ZNF334: variants seen among roughly 807,000 people sequenced by gnomAD.
The protein encoded by ZNF334 is zinc finger protein 334.
ZNF334 carries 14 observed loss-of-function variants against 12.4 expected under a neutral mutation model. The observed-to-expected ratio is 1.13, with a 90% CI of 0.74 to 1.76. The LOEUF (loss-of-function observed/expected upper bound fraction) is 1.76. ZNF334 is among the 40% of genes most tolerant of loss of function. The pLI, the probability that ZNF334 is intolerant of heterozygous loss-of-function variation, is 0.00. For missense variants in ZNF334, 797 were observed against 804.5 expected, an observed-to-expected ratio of 0.99 and a Z score of 0.11; for synonymous variants, 273 against 269.6, an observed-to-expected ratio of 1.01 and a Z score of -0.12.
chr20:46,473,448 T>C, the ZNF334 span, among the ~76,000 whole-genome samples: 1 of 152,238 alleles, frequency 6.6e-6, no homozygotes, highest in Non-Finnish European at 1.5e-5. Flanking sequence ...TGTATTCTTT[T>C]CAGTTGTATG....
At chr20:46,492,928 A>G in the ZNF334 span, 1 of 133,378 alleles carries the variant, frequency 7.5e-6, no homozygotes, top group Admixed American at 7.4e-5. Flanking sequence ...CTAAACATAG[A>G]AAAAAAAAAA....
intron 2 of ZNF334, among the ~76,000 whole-genome samples, chr20:46,508,559 G>C (rs1357066588): frequency 6.6e-6 from 1 of 152,220 alleles, no homozygotes. Flanking sequence ...GGCATGTTCA[G>C]GAGACTAAAT....
At chr20:46,507,367 T>G (rs1169874929) in intron 2 of ZNF334, among the ~76,000 whole-genome samples, 1 of 152,110 alleles carries the variant, frequency 6.6e-6, no homozygotes, top group Non-Finnish European at 1.5e-5. Flanking sequence ...TGCAAGAGGC[T>G]AAGGAGACAG....
At chr20:46,465,796 A>G in the ZNF334 span, among the ~76,000 whole-genome samples, 1 of 152,046 alleles carries the variant, frequency 6.6e-6, no homozygotes, top group East Asian at 1.9e-4. Flanking sequence ...CCACTAAAAT[A>G]CAAAAGAAAT....
the ZNF334 span, among the ~76,000 whole-genome samples, chr20:46,463,370 GCAA>G: frequency 3.3e-5 from 5 of 152,218 alleles, no homozygotes; most frequent in Non-Finnish European, 5.9e-5. Flanking sequence ...AAACCACAGA[GCAA>G]GTTGGACAGG....
chr20:46,464,901 A>G, the ZNF334 span: 31 of 522,626 alleles, frequency 5.9e-5, no homozygotes, highest in Non-Finnish European at 9.0e-5. Flanking sequence ...GAGAGACTTA[A>G]GGAAGCAGCA....
At chr20:46,507,272 A>C (rs1282908477) in intron 2 of ZNF334, among the ~76,000 whole-genome samples, 1 of 152,046 alleles carries the variant, frequency 6.6e-6, no homozygotes, top group Non-Finnish European at 1.5e-5. Context: ...GAAAGGAAAT[A>C]AAGAAAAGGC....
At chr20:46,475,352 T>A in the ZNF334 span, among the ~76,000 whole-genome samples, 2 of 151,996 alleles carry the variant, frequency 1.3e-5, no homozygotes, top group Admixed American at 6.6e-5. Context: ...ACTATAAAAC[T>A]TTTAGGAAAA....
the ZNF334 span, chr20:46,477,089 T>G: frequency 1.3e-5 from 2 of 152,220 alleles, no homozygotes; most frequent in Admixed American, 1.3e-4. Flanking sequence ...TGCTGGACAC[T>G]AGAGCTAAAG....
At chr20:46,481,962 G>T in the ZNF334 span, among the ~76,000 whole-genome samples, 1 of 152,058 alleles carries the variant, frequency 6.6e-6, no homozygotes, top group East Asian at 1.9e-4. Flanking sequence ...TCAGATGGGG[G>T]GTTTCTCCTG....
the ZNF334 span, among the ~76,000 whole-genome samples, chr20:46,488,419 T>TTTTATATATA: frequency 7.8e-5 from 8 of 102,242 alleles, no homozygotes; most frequent in African/African-American, 2.6e-4. Flanking sequence ...AGCTCTTATT[T>TTTTATATATA]TATATATATA....
the ZNF334 span, among the ~76,000 whole-genome samples, chr20:46,469,350 C>G: frequency 6.6e-6 from 1 of 151,430 alleles, no homozygotes; most frequent in Non-Finnish European, 1.5e-5. Context: ...AGATCCACCC[C>G]GCCTCCCAGC....
At chr20:46,486,680 T>C in the ZNF334 span, among the ~76,000 whole-genome samples, 10 of 152,178 alleles carry the variant, frequency 6.6e-5, no homozygotes, top group Admixed American at 3.9e-4. Context: ...CCCTTTAGAA[T>C]GTATAACAAT....
downstream of ZNF334, among the ~76,000 whole-genome samples, chr20:46,496,084 T>C (rs565254691): frequency 6.0e-4 from 91 of 152,330 alleles, no homozygotes; most frequent in Non-Finnish European, 1.0e-3. Context: ...AGTAAGGTGC[T>C]ATGAATTCCC....
At chr20:46,509,003 G>C (rs2061542685) in intron 2 of ZNF334, among the ~76,000 whole-genome samples, 1 of 152,120 alleles carries the variant, frequency 6.6e-6, no homozygotes, top group Non-Finnish European at 1.5e-5. Context: ...AAATGGCAAT[G>C]CTATGTACAG....
chr20:46,472,748 G>A, the ZNF334 span, among the ~76,000 whole-genome samples: 1 of 152,218 alleles, frequency 6.6e-6, no homozygotes, highest in African/African-American at 2.4e-5. Context: ...GGGGCCACCA[G>A]AATACTTGAG....
chr20:46,481,996 G>T, the ZNF334 span, among the ~76,000 whole-genome samples: 1 of 152,118 alleles, frequency 6.6e-6, no homozygotes, highest in African/African-American at 2.4e-5. Context: ...GGCCTGAAAT[G>T]TAATCACTGG....
the ZNF334 span, among the ~76,000 whole-genome samples, chr20:46,479,877 T>G: frequency 6.6e-6 from 1 of 152,322 alleles, no homozygotes. Context: ...ACCAAAGCAT[T>G]TCTTTCTACT....
the ZNF334 span, among the ~76,000 whole-genome samples, chr20:46,469,421 T>C: frequency 6.9e-6 from 1 of 144,350 alleles, no homozygotes; most frequent in Admixed American, 7.2e-5. Context: ...CAGGCTGGAG[T>C]GCGGTGGAGT....
Sources: gnomAD v4.1 joint callset for allele counts (sites outside exome capture counted in the v4.1 genomes callset) on GRCh38, gnomAD v4.1.1 for gene constraint, MANE v1.5 for transcripts, NCBI Gene and HGNC (gene_info 2026-07-23, HGNC 2026-07-21) for gene names.